The following ZNF334 variants were observed in gnomAD, a reference collection of about 807,000 sequenced individuals.
ZNF334 encodes zinc finger protein 334.
A neutral mutation model predicts 12.4 loss-of-function variants in ZNF334; 14 were observed. The ratio of observed to expected loss-of-function variants is 1.13; its 90% CI spans 0.74 to 1.76. The LOEUF (loss-of-function observed/expected upper bound fraction) is 1.76. ZNF334 is among the 40% of genes most tolerant of loss of function. The pLI, the probability that ZNF334 is intolerant of heterozygous loss-of-function variation, is 0.00. For synonymous variants in ZNF334, 273 were observed against 269.6 expected (o/e 1.01, Z -0.12); for missense variants, 797 against 804.5 (o/e 0.99, Z 0.11).
chr20:46,512,214 GC>G, intron 1 of ZNF334, 74 bp from the exon 2 acceptor site: 1 of 1,099,002 alleles, frequency 9.1e-7, no homozygotes, highest in Non-Finnish European at 1.4e-6. Context: ...TACCTACAAA[GC>G]CACACACCCA....
downstream of ZNF334, among the ~76,000 whole-genome samples, chr20:46,494,684 C>T (rs1398792764): frequency 6.6e-6 from 1 of 152,152 alleles, no homozygotes; most frequent in African/African-American, 2.4e-5. Context: ...TAAAGTTAAA[C>T]AGGAGCCATT....
chr20:46,485,616 TGTTTCTCGA>T, the ZNF334 span: 1 of 152,080 alleles, frequency 6.6e-6, no homozygotes, highest in African/African-American at 2.4e-5. Context: ...CAGAGAAACT[TGTTTCTCGA>T]GTTTCAGTGC....
the ZNF334 span, among the ~76,000 whole-genome samples, chr20:46,478,901 C>T: frequency 6.6e-6 from 1 of 152,100 alleles, no homozygotes; most frequent in Admixed American, 6.5e-5. Flanking sequence ...GTCCCCCTGG[C>T]CTTTGGATGC....
At position 46,502,056 on chromosome 20, in the gene ZNF334, G is replaced by A. The variant is rs1334122149; in HGVS notation, c.1283C>T (p.Thr428Ile). The A allele has an allele frequency of 6.2e-7, 1 of 1,614,132 alleles. No homozygotes were observed. Among genetic ancestry groups the A allele is most frequent in the South Asian group, 1.1e-5 (1 of 91,084 alleles). Reference protein sequence around the residue: ...SALNVHRRSHTGEKPYECSQC... With the variant: ...SALNVHRRSHIGEKPYECSQC... ...ACTGCATTCATAGGGCTTCTCTCCTGTATGACTTCTTCGATGCACATTGAG... is the reference window on the plus strand; with the variant it reads ...ACTGCATTCATAGGGCTTCTCTCCTATATGACTTCTTCGATGCACATTGAG... The change falls in exon 5 of 5, where the codon ACA (threonine) becomes ATA (isoleucine). Residue 428 changes from threonine to isoleucine, a missense_variant. Coordinates refer to ENST00000692313, the MANE Select transcript of ZNF334 (RefSeq NM_001353824.2).
the ZNF334 span, among the ~76,000 whole-genome samples, chr20:46,482,194 T>C: frequency 6.6e-6 from 1 of 152,190 alleles, no homozygotes; most frequent in South Asian, 2.1e-4. Flanking sequence ...ACTGTAAGAT[T>C]ATAAATTTGT....
At chr20:46,476,183 A>G in the ZNF334 span, 4 of 152,356 alleles carry the variant, frequency 2.6e-5, no homozygotes, top group South Asian at 6.2e-4. Context: ...TTTATATAAC[A>G]TTCTTGAAAC....
the ZNF334 span, among the ~76,000 whole-genome samples, chr20:46,462,534 C>T: frequency 6.6e-6 from 1 of 152,134 alleles, no homozygotes; most frequent in Non-Finnish European, 1.5e-5. Context: ...CAAAACACCT[C>T]GAATGGTGAC....
rs138011257 is a variant in ZNF334, at chr20:46,501,871, C to T, written c.1468G>A (p.Val490Met). ...GAGATTCTACCACATTTATTAAACACACCATGTTTCTCTCCTGTGTGTGTT... is the reference window on the plus strand; with the variant it reads ...GAGATTCTACCACATTTATTAAACATACCATGTTTCTCTCCTGTGTGTGTT... ...QRTHTGEKHG[V>M]FNKCGRISIV... The change falls in exon 5 of 5, where the codon GTG becomes ATG. Residue 490 changes from valine to methionine, a missense_variant. Transcript: ENST00000692313. 8.7e-6 allele frequency: 14 copies of T among 1,614,022 alleles called. No homozygotes were observed. Among genetic ancestry groups the T allele is most frequent in the African/African-American group, 2.7e-5 (2 of 74,914 alleles).
chr20:46,480,729 G>A, the ZNF334 span, among the ~76,000 whole-genome samples: 1 of 152,174 alleles, frequency 6.6e-6, no homozygotes. Context: ...TGGGTGTGAT[G>A]ATCTAAGTTC....
At chr20:46,499,248 AG>A (rs1404270078), downstream of ZNF334, among the ~76,000 whole-genome samples, 1 of 151,396 alleles carries the variant, frequency 6.6e-6, no homozygotes, top group Non-Finnish European at 1.5e-5. Flanking sequence ...AATTATCAGA[AG>A]CTAGGGAAGA....
intron 2 of ZNF334, chr20:46,506,631 AAAC>A: frequency 3.2e-6 from 1 of 308,184 alleles, no homozygotes; most frequent in East Asian, 5.1e-5. Flanking sequence ...AAAAACAAAA[AAAC>A]CCACATGTAA....
chr20:46,486,683 A>G, the ZNF334 span, among the ~76,000 whole-genome samples: 1 of 151,964 alleles, frequency 6.6e-6, no homozygotes, highest in Non-Finnish European at 1.5e-5. Context: ...TTTAGAATGT[A>G]TAACAATTTT....
chr20:46,508,117 CAAAAGA>C (rs1418594128), intron 2 of ZNF334, among the ~76,000 whole-genome samples: 1 of 152,020 alleles, frequency 6.6e-6, no homozygotes, highest in Non-Finnish European at 1.5e-5. Context: ...GTGCTTATGA[CAAAAGA>C]AAAAGAAACT....
chr20:46,479,410 TG>T, the ZNF334 span, among the ~76,000 whole-genome samples: 1 of 152,132 alleles, frequency 6.6e-6, no homozygotes, highest in Non-Finnish European at 1.5e-5. Flanking sequence ...ACAATCATCA[TG>T]GGAAGGGAGG....
chr20:46,501,632 C>G lies in ZNF334; in HGVS notation c.1707G>C (p.Gln569His). The G allele has an allele frequency of 1.2e-6, 2 of 1,614,182 alleles. No homozygotes were observed. The highest frequency in any genetic ancestry group is 1.7e-6 in the Non-Finnish European group (2 of 1,180,006). Residue 569 changes from glutamine (Q) to histidine (H), a missense_variant, in exon 5 of 5, where the codon CAG becomes CAC. Coordinates refer to ENST00000692313, the MANE Select transcript of ZNF334 (RefSeq NM_001353824.2). The stretch of plus-strand genomic sequence containing the variant: ...CACATTCATTACACTCATAGGGTCT[C>G]TGTCCTGTGTGTGTTCTCTGATGGT... ...LTHHQRTHTG[Q>H]RPYECNECGK...
the ZNF334 span, among the ~76,000 whole-genome samples, chr20:46,478,693 G>A: frequency 6.6e-6 from 1 of 152,202 alleles, no homozygotes; most frequent in Non-Finnish European, 1.5e-5. Flanking sequence ...TGCAGTGGTT[G>A]GAGGGCTTAG....
At chr20:46,474,764 G>A in the ZNF334 span, 2 of 152,208 alleles carry the variant, frequency 1.3e-5, no homozygotes, top group African/African-American at 2.4e-5. Context: ...AACAGACAAA[G>A]TCTTCAATAG....
chr20:46,487,607 A>C, the ZNF334 span, among the ~76,000 whole-genome samples: 2 of 152,212 alleles, frequency 1.3e-5, no homozygotes, highest in Non-Finnish European at 2.9e-5. Flanking sequence ...CTGTGGGTGC[A>C]AAAACACCTA....
chr20:46,508,643 G>A (rs1458398053), intron 2 of ZNF334, among the ~76,000 whole-genome samples: 6 of 152,296 alleles, frequency 3.9e-5, no homozygotes, highest in Middle Eastern at 3.4e-3. Context: ...GCACATCTGC[G>A]GAGACATTTT....
Sources: allele counts gnomAD v4.1 joint callset (sites outside exome capture counted in the v4.1 genomes callset), GRCh38; gene constraint gnomAD v4.1.1; transcripts MANE v1.5; gene names NCBI Gene and HGNC (gene_info 2026-07-23, HGNC 2026-07-21).